The following PIGU variants were observed in gnomAD, a reference collection of about 807,000 sequenced individuals.
PIGU encodes the protein GPI-anchor transamidase component PIGU.
In PIGU, 24 loss-of-function variants were observed where a neutral mutation model predicts 49.9. The observed-to-expected ratio is 0.48, with a 90% confidence interval of 0.35 to 0.68. PIGU has a LOEUF of 0.68. Among genes scored for constraint, PIGU ranks in the 30% least tolerant of loss-of-function variants. PIGU has a pLI of 0.01. For missense variants in PIGU, 490 were observed against 532.6 expected (o/e 0.92, Z 0.79); for synonymous variants, 220 against 205.7 (o/e 1.07, Z -0.59).
intron 7 of PIGU, among the ~76,000 whole-genome samples, chr20:34,599,801 G>C (rs1489615373): frequency 6.6e-6 from 1 of 152,172 alleles, no homozygotes; most frequent in African/African-American, 2.4e-5. Context: ...TCTTAGGTGA[G>C]AGGAATCTGA....
At chr20:34,672,855 TCAAA>T (rs1987351229) in intron 1 of PIGU, among the ~76,000 whole-genome samples, 4 of 95,302 alleles carry the variant, frequency 4.2e-5, no homozygotes, top group Admixed American at 2.4e-4. Flanking sequence ...ACCCTGTCTC[TCAAA>T]AAAAAAAAAA....
intron 1 of PIGU, among the ~76,000 whole-genome samples, chr20:34,664,353 A>G (rs1378905418): frequency 1.3e-5 from 2 of 152,156 alleles, no homozygotes; most frequent in African/African-American, 4.8e-5. Context: ...GGCTCTTGCT[A>G]TATTGCCCAG....
rs375268244 is a variant in PIGU at position 34,588,565 on chromosome 20, T to C, written c.670A>G (p.Ile224Val). 5 of 1,613,864 alleles carry C rather than the reference T, an allele frequency of 3.1e-6. No individual in the cohort carries two copies. In the South Asian group the frequency reaches 5.5e-5, roughly 18 times the overall value. ...PVKMKSKAFW[I>V]FSWEYAMMYV... is the part of the protein sequence containing the mutation. The stretch of plus-strand genomic sequence containing the variant: ...ATCATGGCATACTCCCAAGAAAAGA[T>C]CCAGAAGGCTTTGCTCTTCATTTTC... The change falls in exon 8 of 12, where the codon ATC becomes GTC. Residue 224 changes from isoleucine to valine, a missense_variant. Transcript: ENST00000217446.
intron 11 of PIGU, among the ~76,000 whole-genome samples, chr20:34,563,772 A>G (rs1600580262): frequency 6.6e-6 from 1 of 152,116 alleles, no homozygotes; most frequent in African/African-American, 2.4e-5. Flanking sequence ...CTTCCTCCTG[A>G]GGAGCAGGGA....
intron 1 of PIGU, among the ~76,000 whole-genome samples, chr20:34,671,928 A>C (rs1289830915): frequency 6.6e-6 from 1 of 152,070 alleles, no homozygotes; most frequent in Admixed American, 6.6e-5. Flanking sequence ...CTTCTCAAAA[A>C]AAAAAAAATT....
intron 7 of PIGU, among the ~76,000 whole-genome samples, chr20:34,589,256 T>G (rs921709353): frequency 6.6e-6 from 1 of 151,988 alleles, no homozygotes. Flanking sequence ...CTAAGAAACT[T>G]CATATAACCT....
intron 11 of PIGU, among the ~76,000 whole-genome samples, chr20:34,563,628 G>T (rs569261522): frequency 6.6e-6 from 1 of 151,238 alleles, no homozygotes; most frequent in East Asian, 1.9e-4. Flanking sequence ...CATCAATGGG[G>T]GGGGGGAGAT....
At chr20:34,617,666 A>C (rs1600632601) in intron 6 of PIGU, among the ~76,000 whole-genome samples, 1 of 152,294 alleles carries the variant, frequency 6.6e-6, no homozygotes, top group East Asian at 1.9e-4. Flanking sequence ...CTTTTGGGTT[A>C]ATGCTGAAAT....
chr20:34,634,303 C>T (rs1179153451), intron 6 of PIGU, among the ~76,000 whole-genome samples: 2 of 152,056 alleles, frequency 1.3e-5, no homozygotes, highest in African/African-American at 4.8e-5. Context: ...ATCTTCTGGG[C>T]TCAAGTGATC....
intron 2 of PIGU, among the ~76,000 whole-genome samples, chr20:34,649,679 C>T (rs140240820): frequency 0.012 from 1,802 of 151,296 alleles, 47 homozygotes; most frequent in African/African-American, 0.042. Context: ...GGATTACAGG[C>T]GTATGCCACC....
intron 6 of PIGU, among the ~76,000 whole-genome samples, chr20:34,626,073 T>C (rs971734823): frequency 6.6e-6 from 1 of 151,626 alleles, no homozygotes; most frequent in Non-Finnish European, 1.5e-5. Context: ...ACTACATGGG[T>C]AAACCATATT....
intron 6 of PIGU, among the ~76,000 whole-genome samples, chr20:34,631,313 T>C (rs1201398731): frequency 6.6e-6 from 1 of 151,812 alleles, no homozygotes; most frequent in Non-Finnish European, 1.5e-5. Flanking sequence ...AAAATATGCA[T>C]AACTTAATCA....
At chr20:34,598,788 C>A (rs1352148222) in intron 7 of PIGU, among the ~76,000 whole-genome samples, 2 of 152,184 alleles carry the variant, frequency 1.3e-5, no homozygotes, top group Admixed American at 1.3e-4. Context: ...ACGCCTCAGG[C>A]GCCATCTCCA....
At chr20:34,563,200 A>T (rs543733466) in intron 11 of PIGU, among the ~76,000 whole-genome samples, 1 of 152,350 alleles carries the variant, frequency 6.6e-6, no homozygotes, top group South Asian at 2.1e-4. Context: ...AAATAACAGT[A>T]AGACTTTAGG....
At chr20:34,614,113 T>C (rs1984918748) in intron 7 of PIGU, among the ~76,000 whole-genome samples, 3 of 151,934 alleles carry the variant, frequency 2.0e-5, no homozygotes, top group East Asian at 1.9e-4. Flanking sequence ...CTGAGCAACA[T>C]GGCAAAGCCC....
chr20:34,658,791 G>A (rs1266959033), intron 1 of PIGU, among the ~76,000 whole-genome samples: 5 of 149,680 alleles, frequency 3.3e-5, no homozygotes, highest in East Asian at 2.0e-4. Context: ...GAGCCCCTCC[G>A]CCTGGCAGCC....
At chr20:34,603,545 A>G (rs989253888) in intron 7 of PIGU, among the ~76,000 whole-genome samples, 13 of 152,202 alleles carry the variant, frequency 8.5e-5, no homozygotes, top group African/African-American at 3.1e-4. Context: ...TATATTTATG[A>G]GTTTTAATCT....
intron 8 of PIGU, among the ~76,000 whole-genome samples, chr20:34,586,768 T>C (rs1317732267): frequency 6.6e-6 from 1 of 152,222 alleles, no homozygotes; most frequent in Non-Finnish European, 1.5e-5. Context: ...GTTTGACGTG[T>C]GGCAGGTGGC....
rs1600577354 is a variant in PIGU, at chr20:34,561,099, A to G, written c.1195-120T>C. The G allele has an allele frequency of 1.0e-5, 7 of 684,220 alleles. No homozygotes were observed. The South Asian group carries it at 1.1e-4, about 11-fold the overall frequency. The allele number at this position is 684,220 out of a possible 1,614,324, so 42.4% of individuals were successfully genotyped here. A position where few individuals can be genotyped will look rare whatever the true frequency, so the allele number is the denominator to read the frequency against. On this transcript the variant is annotated intron_variant, in intron 11 of 11. Transcript: ENST00000217446. Reference sequence around the variant, plus strand: ...CGCCCCTGCCTGGCTCTGGATCACAATCACTGGAGAGGCCCTCCTCAGGGC... The same window carrying G: ...CGCCCCTGCCTGGCTCTGGATCACAGTCACTGGAGAGGCCCTCCTCAGGGC...
Sources: gnomAD v4.1 joint callset for allele counts (sites outside exome capture counted in the v4.1 genomes callset) on GRCh38, gnomAD v4.1.1 for gene constraint, MANE v1.5 for transcripts, NCBI Gene and HGNC (gene_info 2026-07-23, HGNC 2026-07-21) for gene names.